Variants in DYNC2H1 observed in about 807,000 individuals in gnomAD.
DYNC2H1 encodes the protein dynein cytoplasmic 2 heavy chain 1.
In DYNC2H1, 410 loss-of-function variants were observed where a neutral mutation model predicts 570.0. The ratio of observed to expected loss-of-function variants is 0.72; its 90% CI spans 0.66 to 0.78. The LOEUF (loss-of-function observed/expected upper bound fraction) is 0.78, where lower values mean the gene tolerates loss of function less well. DYNC2H1 is among the 30% of genes least tolerant of loss of function. The probability of loss-of-function intolerance (pLI) is 0.00; values close to 1 mark genes in which losing one functional copy is unlikely to be tolerated. For synonymous variants in DYNC2H1, 1,688 were observed against 1,677.6 expected (o/e 1.01, Z -0.15); for missense variants, 4,865 against 5,046.4 (o/e 0.96, Z 1.09).
chr11:103,296,175 C>T (rs116842476), intron 75 of DYNC2H1, among the ~76,000 whole-genome samples: 2 of 152,238 alleles, frequency 1.3e-5, no homozygotes, highest in East Asian at 1.9e-4. Context: ...TGTGATCACT[C>T]ACTAGATTTT....
At chr11:103,297,690 T>C (rs1414523123) in intron 75 of DYNC2H1, among the ~76,000 whole-genome samples, 1 of 152,108 alleles carries the variant, frequency 6.6e-6, no homozygotes, top group East Asian at 1.9e-4. Context: ...CCATCGTTGA[T>C]TGAAAAGTCA....
chr11:103,364,028 C>G (rs17100539), intron 83 of DYNC2H1, among the ~76,000 whole-genome samples: 5,618 of 152,096 alleles, frequency 0.037, 218 homozygotes, highest in African/African-American at 0.088. Context: ...AAATGTCTGG[C>G]TATTCTAGAT....
chr11:103,341,064 A>C (rs1939417631), intron 82 of DYNC2H1, among the ~76,000 whole-genome samples: 1 of 152,122 alleles, frequency 6.6e-6, no homozygotes, highest in African/African-American at 2.4e-5. Flanking sequence ...GATACAGGCA[A>C]AGAAGTGACA....
chr11:103,327,494 T>C (rs1938557867), intron 82 of DYNC2H1, among the ~76,000 whole-genome samples: 1 of 152,054 alleles, frequency 6.6e-6, no homozygotes, highest in East Asian at 1.9e-4. Context: ...TCAATAGAAG[T>C]TCAAAACCTT....
At chr11:103,180,191 AT>A (rs1565372255) in intron 39 of DYNC2H1, among the ~76,000 whole-genome samples, 1 of 151,712 alleles carries the variant, frequency 6.6e-6, no homozygotes. Context: ...TAATTGTGTT[AT>A]AATCTTGTGA....
At chr11:103,388,159 T>G (rs2135597376) in intron 83 of DYNC2H1, among the ~76,000 whole-genome samples, 1 of 152,314 alleles carries the variant, frequency 6.6e-6, no homozygotes, top group African/African-American at 2.4e-5. Context: ...TCGATTTGTT[T>G]GTATCCTCTT....
In DYNC2H1 at chr11:103,154,577, A is replaced by G; in HGVS notation, c.3429A>G (p.Glu1143=). 1 of 1,602,846 alleles carries G rather than the reference A, an allele frequency of 6.2e-7. No individual in the cohort carries two copies. Among genetic ancestry groups the G allele is most frequent in the Non-Finnish European group, 8.5e-7 (1 of 1,174,902 alleles). The change falls in exon 23 of 89, where the codon GAA becomes GAG. Residue 1143 remains glutamate (E), a synonymous_variant. Coordinates refer to ENST00000375735, the MANE Select transcript of DYNC2H1 (RefSeq NM_001377.3). The part of the protein sequence containing the change: ...FYEEFQQGFQ[E]MANEDWITFR... ...AAGAGTTTCAACAAGGATTTCAGGAAATGGCCAATGAAGACTGGATCACTT... is the reference window on the plus strand; with the variant it reads ...AAGAGTTTCAACAAGGATTTCAGGAGATGGCCAATGAAGACTGGATCACTT...
chr11:103,333,113 C>T (rs563125954), intron 82 of DYNC2H1, among the ~76,000 whole-genome samples: 57 of 152,264 alleles, frequency 3.7e-4, no homozygotes, highest in African/African-American at 1.3e-3. Context: ...TATTAACACA[C>T]ATTTGAATGT....
intron 47 of DYNC2H1, among the ~76,000 whole-genome samples, chr11:103,193,318 T>G (rs1862391974): frequency 6.6e-6 from 1 of 152,128 alleles, no homozygotes; most frequent in Non-Finnish European, 1.5e-5. Flanking sequence ...TCTTAAATGG[T>G]GCTATCTTTC....
chr11:103,271,259 G>A (rs1378061547), intron 70 of DYNC2H1, among the ~76,000 whole-genome samples: 2 of 152,162 alleles, frequency 1.3e-5, no homozygotes, highest in Non-Finnish European at 2.9e-5. Flanking sequence ...ATCTTAATAA[G>A]TGACACAATT....
intron 84 of DYNC2H1, among the ~76,000 whole-genome samples, chr11:103,424,259 G>C (rs1334424598): frequency 4.8e-5 from 4 of 83,714 alleles, no homozygotes; most frequent in Non-Finnish European, 8.3e-5. Context: ...TTATATATCA[G>C]TAAAAACATT....
intron 61 of DYNC2H1, 114 bp downstream of exon 61, chr11:103,234,274 G>A (rs1467281993): frequency 1.6e-6 from 2 of 1,240,212 alleles, no homozygotes; most frequent in Non-Finnish European, 2.2e-6. Flanking sequence ...CCTGGCTCAG[G>A]ATAAATAATC....
At chr11:103,455,357 C>T in intron 86 of DYNC2H1, 62 bp downstream of exon 86, 1 of 1,279,016 alleles carries the variant, frequency 7.8e-7, no homozygotes, top group Admixed American at 1.8e-5. Flanking sequence ...GCTTTATTGA[C>T]TTCCTATTAC....
At position 103,396,277 on chromosome 11, in the gene DYNC2H1, A is replaced by G. The variant is rs540940128; in HGVS notation, c.12157-3386A>G. On this transcript the variant is annotated intron_variant, in intron 83 of 88. Coordinates refer to ENST00000375735, the MANE Select transcript of DYNC2H1 (RefSeq NM_001377.3). ...TGATAATCTAGTTGAGAGGTTGGCA[A>G]ACTGCAACTCAGGAATAGGCCAAAT... 3.3e-5 allele frequency among the ~76,000 whole-genome samples: 5 copies of G among 152,322 alleles called. No individual in the cohort carries two copies. In the South Asian group the frequency reaches 1.0e-3, roughly 32 times the overall value.
intron 73 of DYNC2H1, among the ~76,000 whole-genome samples, chr11:103,285,535 G>T (rs1304902420): frequency 6.1e-5 from 9 of 147,934 alleles, no homozygotes; most frequent in East Asian, 2.0e-4. Context: ...TGATTCTCCT[G>T]CCTCAGCCTC....
chr11:103,226,710 G>T (rs1008479033), intron 59 of DYNC2H1, among the ~76,000 whole-genome samples: 2 of 152,060 alleles, frequency 1.3e-5, no homozygotes, highest in African/African-American at 4.8e-5. Context: ...TGATATTAGG[G>T]TGATACTGGC....
intron 72 of DYNC2H1, among the ~76,000 whole-genome samples, chr11:103,282,520 C>A (rs1451099076): frequency 1.3e-5 from 2 of 151,724 alleles, no homozygotes; most frequent in Non-Finnish European, 2.9e-5. Flanking sequence ...TTAAGAAAAT[C>A]AAATCTTATA....
At chr11:103,123,761 G>A (rs1039959384) in intron 11 of DYNC2H1, among the ~76,000 whole-genome samples, 25 of 151,956 alleles carry the variant, frequency 1.6e-4, no homozygotes, top group African/African-American at 5.8e-4. Flanking sequence ...CTGTTAGTAA[G>A]TTTGTTTAAC....
chr11:103,196,618 AT>A (rs1862516768), intron 47 of DYNC2H1, among the ~76,000 whole-genome samples: 1 of 152,122 alleles, frequency 6.6e-6, no homozygotes, highest in Admixed American at 6.6e-5. Context: ...TTCGGGGAGA[AT>A]TTTAGAATTA....
Sources: allele counts gnomAD v4.1 joint callset (sites outside exome capture counted in the v4.1 genomes callset), GRCh38; gene constraint gnomAD v4.1.1; transcripts MANE v1.5; gene names NCBI Gene and HGNC (gene_info 2026-07-23, HGNC 2026-07-21).